Variants in AEBP2 observed in about 807,000 individuals in gnomAD.
AEBP2 encodes zinc finger protein AEBP2.
A neutral mutation model predicts 50.8 loss-of-function variants in AEBP2; 10 were observed. The ratio of observed to expected loss-of-function variants is 0.20; its 90% CI spans 0.12 to 0.33. AEBP2 has a LOEUF of 0.33. Ranked by LOEUF, AEBP2 falls within the 10% of genes least tolerant of loss-of-function variation. The pLI, the probability that AEBP2 is intolerant of heterozygous loss-of-function variation, is 1.00. For synonymous variants in AEBP2, 296 were observed against 261.3 expected (o/e 1.13, Z -1.28); for missense variants, 570 against 688.0 (o/e 0.83, Z 1.92).
intron 3 of AEBP2, among the ~76,000 whole-genome samples, chr12:19,476,603 A>G (rs528422332): frequency 6.6e-6 from 1 of 152,146 alleles, no homozygotes; most frequent in African/African-American, 2.4e-5. Flanking sequence ...TAGCCTCCCA[A>G]AATGCTGGGA....
chr12:19,518,731 C>T lies in AEBP2; in HGVS notation c.*614C>T, dbSNP rs187781821. 71 of 1,484,118 alleles carry T rather than the reference C, an allele frequency of 4.8e-5. No homozygotes were observed. The Middle Eastern group carries it at 1.2e-3, about 26-fold the overall frequency. The allele number at this position is 1,484,118 out of a possible 1,614,324, so 91.9% of individuals were successfully genotyped here. ...TTAAGCAAACAGTGAACGACGTTTGCAATCAACTAAAAATTCGTCTATCGA... is the reference window on the plus strand; with the variant it reads ...TTAAGCAAACAGTGAACGACGTTTGTAATCAACTAAAAATTCGTCTATCGA... On this transcript the variant is annotated 3_prime_UTR_variant, in exon 8 of 8. Transcript: ENST00000266508.
At chr12:19,449,061 T>C (rs1205741727) in intron 1 of AEBP2, among the ~76,000 whole-genome samples, 1 of 152,176 alleles carries the variant, frequency 6.6e-6, no homozygotes, top group Non-Finnish European at 1.5e-5. Flanking sequence ...TAAATTAATC[T>C]TGGAAATTGT....
intron 5 of AEBP2, 84 bp from the exon 6 acceptor site, chr12:19,512,314 C>G (rs1949245082): frequency 1.1e-6 from 1 of 947,684 alleles, no homozygotes; most frequent in Non-Finnish European, 1.6e-6. Flanking sequence ...GCCATCGCGC[C>G]CAGCCCCAAA....
At chr12:19,488,213 T>C (rs1948841872) in intron 3 of AEBP2, among the ~76,000 whole-genome samples, 2 of 151,634 alleles carry the variant, frequency 1.3e-5, no homozygotes, top group African/African-American at 2.4e-5. Flanking sequence ...AACCTCTGGC[T>C]CCTGGGCTCA....
intron 1 of AEBP2, among the ~76,000 whole-genome samples, chr12:19,411,346 A>G (rs576684173): frequency 6.6e-6 from 1 of 152,302 alleles, no homozygotes; most frequent in South Asian, 2.1e-4. Context: ...GATGTAGCTC[A>G]CTGTTTCAGC....
rs1245910581 is a variant in AEBP2, at chr12:19,462,542, C to T, written c.704C>T (p.Thr235Ile). The change falls in exon 2 of 8, where the codon ACA becomes ATA. Residue 235 changes from threonine to isoleucine, a missense_variant. Physicochemically the swap from Thr to Ile is moderately conservative, Grantham distance 89 (BLOSUM62 -1). Transcript: ENST00000266508. ...AGTACTATAATGGATGTAGACAGCACAATTTCCAGTGGGCGTTCAACTCCA... is the reference window on the plus strand; with the variant it reads ...AGTACTATAATGGATGTAGACAGCATAATTTCCAGTGGGCGTTCAACTCCA... ...ISSTIMDVDS[T>I]ISSGRSTPAM... is the part of the protein sequence containing the mutation. The T allele has an allele frequency of 6.2e-7, 1 of 1,612,854 alleles. No homozygotes were observed. The highest frequency in any genetic ancestry group is 8.5e-7 in the Non-Finnish European group (1 of 1,179,410).
chr12:19,423,746 C>A (rs1211044740), intron 1 of AEBP2, among the ~76,000 whole-genome samples: 2 of 152,232 alleles, frequency 1.3e-5, no homozygotes, highest in Non-Finnish European at 2.9e-5. Flanking sequence ...GAGGCTGAAG[C>A]AGGAGAATTG....
intron 3 of AEBP2, among the ~76,000 whole-genome samples, chr12:19,475,861 G>T (rs1263911509): frequency 6.6e-6 from 1 of 151,978 alleles, no homozygotes; most frequent in Non-Finnish European, 1.5e-5. Flanking sequence ...CCCACTTTTC[G>T]ATGGGATTAT....
rs980700600 is a variant in AEBP2, at chr12:19,476,352, AT to A, written c.987+3004del. ...CCCCACTTTATGGTTTTTAGTTTTT[AT>A]TTTTTTGAGACTGAGTCTCGCTCTG... On this transcript the variant is annotated intron_variant, in intron 3 of 7. Transcript: ENST00000266508. Among the ~76,000 whole-genome samples, 34 of 151,656 alleles carry A rather than the reference AT, an allele frequency of 2.2e-4. No homozygotes were observed. The South Asian group carries it at 2.7e-3, about 12-fold the overall frequency.
intron 1 of AEBP2, chr12:19,419,032 C>A (rs539358616): frequency 1.2e-5 from 2 of 161,700 alleles, no homozygotes; most frequent in Admixed American, 6.5e-5. Flanking sequence ...CTAAACCAGA[C>A]ATCGCCAGTA....
At chr12:19,468,825 A>G (rs926596322) in intron 2 of AEBP2, among the ~76,000 whole-genome samples, 3 of 152,210 alleles carry the variant, frequency 2.0e-5, no homozygotes, top group Admixed American at 2.0e-4. Context: ...AGTACTTTGT[A>G]GAGTTCTCAA....
At chr12:19,461,345 G>T in intron 1 of AEBP2, among the ~76,000 whole-genome samples, 1 of 151,864 alleles carries the variant, frequency 6.6e-6, no homozygotes, top group East Asian at 1.9e-4. Context: ...AGGCGGAAGT[G>T]TGATACATTT....
At chr12:19,445,762 G>A (rs952946078) in intron 1 of AEBP2, among the ~76,000 whole-genome samples, 1 of 152,164 alleles carries the variant, frequency 6.6e-6, no homozygotes, top group Non-Finnish European at 1.5e-5. Context: ...TAAAATATTT[G>A]ATTACAGCAT....
At chr12:19,443,440 C>T (rs929351787) in intron 1 of AEBP2, among the ~76,000 whole-genome samples, 27 of 150,306 alleles carry the variant, frequency 1.8e-4, no homozygotes, top group African/African-American at 6.3e-4. Flanking sequence ...ATAATTAGGC[C>T]GGGCATGGTG....
intron 1 of AEBP2, among the ~76,000 whole-genome samples, chr12:19,434,007 C>T (rs1057505748): frequency 4.0e-5 from 6 of 150,522 alleles, no homozygotes; most frequent in Non-Finnish European, 7.4e-5. Context: ...CCACCATGCC[C>T]GACTAATTTT....
chr12:19,510,903 C>T (rs1356236337), intron 5 of AEBP2, among the ~76,000 whole-genome samples: 2 of 124,850 alleles, frequency 1.6e-5, no homozygotes, highest in African/African-American at 6.3e-5. Context: ...CTCTGTTGCT[C>T]AGCCTGGAGT....
At chr12:19,451,936 G>C (rs1317433741) in intron 1 of AEBP2, among the ~76,000 whole-genome samples, 1 of 152,080 alleles carries the variant, frequency 6.6e-6, no homozygotes, top group Non-Finnish European at 1.5e-5. Flanking sequence ...CTGTCACCCA[G>C]ACGGGAGTGC....
rs544151052 is a variant in AEBP2, at chr12:19,503,626, A to G, written c.1299+3405A>G. Among the ~76,000 whole-genome samples the G allele has an allele frequency of 3.3e-5, 5 of 150,926 alleles. No homozygotes were observed. In the East Asian group the frequency reaches 7.7e-4, roughly 23 times the overall value. The stretch of plus-strand genomic sequence containing the variant: ...TCTTACCTGATTGATTGCTCTGGCT[A>G]GGACTTCCAGTACTGTGTTGAATAG... On this transcript the variant is annotated intron_variant, in intron 5 of 7. Transcript: ENST00000266508.
intron 3 of AEBP2, among the ~76,000 whole-genome samples, chr12:19,493,254 A>T (rs534788192): frequency 6.6e-6 from 1 of 152,236 alleles, no homozygotes; most frequent in East Asian, 1.9e-4. Context: ...ATACAAAATT[A>T]GCCAGGCATG....
Sources: gnomAD v4.1 joint callset for allele counts (sites outside exome capture counted in the v4.1 genomes callset) on GRCh38, gnomAD v4.1.1 for gene constraint, MANE v1.5 for transcripts, NCBI Gene and HGNC (gene_info 2026-07-23, HGNC 2026-07-21) for gene names.